HIBADH: variants seen among roughly 807,000 people sequenced by gnomAD.
HIBADH encodes the protein 3-hydroxyisobutyrate dehydrogenase.
In HIBADH, 25 loss-of-function variants were observed where a neutral mutation model predicts 36.1. The ratio of observed to expected loss-of-function variants is 0.69; its 90% CI spans 0.50 to 0.97. The LOEUF (loss-of-function observed/expected upper bound fraction) is 0.97, where lower values mean the gene tolerates loss of function less well. Among genes scored for constraint, HIBADH ranks in the 50% least tolerant of loss-of-function variants. The pLI, the probability that HIBADH is intolerant of heterozygous loss-of-function variation, is 0.00. For synonymous variants in HIBADH, 160 were observed against 149.5 expected, an observed-to-expected ratio of 1.07 and a Z score of -0.51; for missense variants, 421 against 418.0, an observed-to-expected ratio of 1.01 and a Z score of -0.06.
rs946875798 is a variant in HIBADH at position 27,629,246 on chromosome 7, T to C, written c.484+125A>G. ...TAAATAACGTATCAGTTTGGCTTTA[T>C]TTTTAATGAGAATCCTGTAACAAGT... On this transcript the variant is annotated intron_variant, in intron 4 of 7. Transcript: ENST00000265395. 1.7e-5 allele frequency: 16 copies of C among 950,706 alleles called. No homozygotes were observed. The African/African-American group carries it at 2.3e-4, about 14-fold the overall frequency. The allele number at this position is 950,706 out of a possible 1,614,324, so 58.9% of individuals were successfully genotyped here. A position where few individuals can be genotyped will look rare whatever the true frequency, so the allele number is the denominator to read the frequency against.
At chr7:27,597,003 C>T (rs1027814990) in intron 4 of HIBADH, among the ~76,000 whole-genome samples, 1 of 151,810 alleles carries the variant, frequency 6.6e-6, no homozygotes, top group African/African-American at 2.4e-5. Flanking sequence ...GCAATAAAAA[C>T]TTTTTTTAAA....
intron 4 of HIBADH, among the ~76,000 whole-genome samples, chr7:27,562,604 A>G (rs12670415): frequency 0.76 from 116,027 of 152,062 alleles, 44,757 homozygotes; most frequent in East Asian, 0.94. Context: ...TGATCCTCCT[A>G]CCTCAGCCTC....
intron 2 of HIBADH, among the ~76,000 whole-genome samples, chr7:27,634,457 T>C (rs1436232845): frequency 6.6e-6 from 1 of 152,146 alleles, no homozygotes; most frequent in Non-Finnish European, 1.5e-5. Context: ...AGTTCAAGTT[T>C]ACTCAAGAAA....
chr7:27,636,816 G>A (rs1785848861), intron 2 of HIBADH, among the ~76,000 whole-genome samples: 1 of 152,148 alleles, frequency 6.6e-6, no homozygotes, highest in African/African-American at 2.4e-5. Context: ...AGTATCTTCT[G>A]CAAAATAAAG....
intron 2 of HIBADH, among the ~76,000 whole-genome samples, chr7:27,643,678 C>T (rs1786002403): frequency 6.6e-6 from 1 of 152,184 alleles, no homozygotes; most frequent in African/African-American, 2.4e-5. Context: ...CAAGCACCGT[C>T]GCTTAAAACA....
intron 4 of HIBADH, among the ~76,000 whole-genome samples, chr7:27,585,237 A>G (rs1025904162): frequency 1.3e-5 from 2 of 148,776 alleles, no homozygotes; most frequent in Non-Finnish European, 3.0e-5. Context: ...GCATGTGCAC[A>G]CACGTGTGCA....
At chr7:27,662,608 G>T in intron 1 of HIBADH, 90 bp downstream of exon 1, 2 of 790,958 alleles carry the variant, frequency 2.5e-6, no homozygotes, top group Non-Finnish European at 3.5e-6. Flanking sequence ...CAACCGCAGG[G>T]CCTCCCGAGA....
intron 5 of HIBADH, among the ~76,000 whole-genome samples, chr7:27,541,066 T>C (rs1197385051): frequency 6.6e-6 from 1 of 152,040 alleles, no homozygotes; most frequent in Non-Finnish European, 1.5e-5. Context: ...AGAGTTAGCC[T>C]ATCCTTTCCT....
intron 6 of HIBADH, among the ~76,000 whole-genome samples, 174 bp downstream of exon 6, chr7:27,538,167 G>A (rs181671022): frequency 3.9e-5 from 6 of 152,126 alleles, no homozygotes; most frequent in Non-Finnish European, 7.4e-5. Flanking sequence ...ATGCTCTCCT[G>A]GGTCCTATTG....
chr7:27,595,592 G>GTGTGT (rs1458903396), intron 4 of HIBADH, among the ~76,000 whole-genome samples: 1 of 147,688 alleles, frequency 6.8e-6, no homozygotes, highest in Admixed American at 6.7e-5. Context: ...GTGTGTGTGT[G>GTGTGT]TGTGTGTGTG....
Position 27,558,114 on chromosome 7 carries a change from C to T in HIBADH, c.485-15014G>A, listed in dbSNP as rs369444344. Among the ~76,000 whole-genome samples the T allele has an allele frequency of 6.6e-5, 10 of 152,026 alleles. No homozygotes were observed. The East Asian group carries it at 1.2e-3, about 18-fold the overall frequency. On this transcript the variant is annotated intron_variant, in intron 4 of 7. Transcript: ENST00000265395. ...TCTGTGTGCAATCTCTTATCTTATT[C>T]TTGATGCTTATGGTTTCTATTTTTC...
intron 4 of HIBADH, among the ~76,000 whole-genome samples, chr7:27,560,512 C>A (rs1353425587): frequency 6.6e-6 from 1 of 152,112 alleles, no homozygotes; most frequent in Non-Finnish European, 1.5e-5. Context: ...GTGGTGAAGT[C>A]TGAGATTTTA....
chr7:27,567,414 C>CT (rs1173128184), intron 4 of HIBADH, among the ~76,000 whole-genome samples: 4 of 152,002 alleles, frequency 2.6e-5, no homozygotes, highest in Non-Finnish European at 4.4e-5. Flanking sequence ...ATTTTGGTCT[C>CT]TTTTTTAAAT....
chr7:27,654,551 G>C (rs1786260242), intron 1 of HIBADH, among the ~76,000 whole-genome samples: 1 of 152,126 alleles, frequency 6.6e-6, no homozygotes, highest in Non-Finnish European at 1.5e-5. Flanking sequence ...GAAGACAGTG[G>C]TGCAACATTT....
At chr7:27,662,451 A>T (rs1305199143) in intron 1 of HIBADH, among the ~76,000 whole-genome samples, 2 of 152,074 alleles carry the variant, frequency 1.3e-5, no homozygotes, top group Non-Finnish European at 2.9e-5. Context: ...CCTCTTCCTA[A>T]ATCCCGAAAA....
intron 7 of HIBADH, among the ~76,000 whole-genome samples, chr7:27,527,637 G>T (rs1341542618): frequency 6.6e-6 from 1 of 151,964 alleles, no homozygotes; most frequent in African/African-American, 2.4e-5. Flanking sequence ...TATCAGCACT[G>T]TTTTTCCAAC....
intron 2 of HIBADH, among the ~76,000 whole-genome samples, chr7:27,634,625 T>A (rs1472324573): frequency 2.6e-5 from 4 of 152,246 alleles, no homozygotes; most frequent in African/African-American, 9.6e-5. Context: ...TGCAGCTCCA[T>A]CCTTCCAGAC....
chr7:27,540,612 T>C (rs1784134600), intron 5 of HIBADH, among the ~76,000 whole-genome samples: 1 of 152,188 alleles, frequency 6.6e-6, no homozygotes, highest in African/African-American at 2.4e-5. Context: ...AATGGTGTAA[T>C]CTTTCCAGAT....
chr7:27,578,200 CT>C (rs573536601), intron 4 of HIBADH, among the ~76,000 whole-genome samples: 2 of 151,790 alleles, frequency 1.3e-5, no homozygotes, highest in Non-Finnish European at 2.9e-5. Context: ...CTAAGAGAAT[CT>C]TTTTTTTGAA....
Sources: allele counts gnomAD v4.1 joint callset (sites outside exome capture counted in the v4.1 genomes callset), GRCh38; gene constraint gnomAD v4.1.1; transcripts MANE v1.5; gene names NCBI Gene and HGNC (gene_info 2026-07-23, HGNC 2026-07-21).